The following HS6ST3 variants were observed in gnomAD, a reference collection of about 807,000 sequenced individuals.
HS6ST3 encodes the protein heparan-sulfate 6-O-sulfotransferase 3.
HS6ST3 carries 12 observed loss-of-function variants against 36.7 expected under a neutral mutation model. The observed-to-expected ratio is 0.33, with a 90% confidence interval of 0.21 to 0.53. The LOEUF is 0.53. Ranked by LOEUF, HS6ST3 falls within the 20% of genes least tolerant of loss-of-function variation. The pLI, the probability that HS6ST3 is intolerant of heterozygous loss-of-function variation, is 0.95. For missense variants in HS6ST3, 584 were observed against 640.9 expected (o/e 0.91, Z 0.96); for synonymous variants, 240 against 257.5 (o/e 0.93, Z 0.65).
rs2056100155 is a variant in HS6ST3 at position 96,523,114 on chromosome 13, C to T, written c.708-309376C>T. On this transcript the variant is annotated intron_variant, in intron 1 of 1. Coordinates refer to ENST00000376705, the MANE Select transcript of HS6ST3 (RefSeq NM_153456.4). ...TGTAAAGGATATTATTTCTCCTTCA[C>T]TTATGAAGCTTAGTTTGGCTGGATA... Among the ~76,000 whole-genome samples, 2 of 152,162 alleles carry T rather than the reference C, an allele frequency of 1.3e-5. 1 individual carries two copies. Among genetic ancestry groups the T allele is most frequent in the South Asian group, 4.1e-4 (2 of 4,830 alleles).
intron 1 of HS6ST3, among the ~76,000 whole-genome samples, chr13:96,114,436 C>T (rs2053884422): frequency 6.6e-6 from 1 of 152,178 alleles, no homozygotes; most frequent in Admixed American, 6.5e-5. Flanking sequence ...AGGGATGACC[C>T]ACCGTTCCTG....
intron 1 of HS6ST3, among the ~76,000 whole-genome samples, chr13:96,195,912 T>G (rs2054310567): frequency 2.6e-5 from 4 of 152,190 alleles, no homozygotes. Flanking sequence ...ACCTGGCATG[T>G]AGTAAAATAT....
intron 1 of HS6ST3, among the ~76,000 whole-genome samples, chr13:96,095,083 C>T (rs1314772201): frequency 6.6e-6 from 1 of 152,102 alleles, no homozygotes; most frequent in African/African-American, 2.4e-5. Flanking sequence ...GGGAATGTAA[C>T]CATAAAAAGG....
In HS6ST3 at chr13:96,726,412, T is replaced by A. The variant is rs111947880; in HGVS notation, c.708-106078T>A. On this transcript the variant is annotated intron_variant, in intron 1 of 1. Coordinates refer to ENST00000376705, the MANE Select transcript of HS6ST3 (RefSeq NM_153456.4). ...CTCATGAGTGTTTTGTTATTTTCAG[T>A]GTACAGGACTTATATGTCTTTCATA... Among the ~76,000 whole-genome samples, 1,489 of 152,298 alleles carry A rather than the reference T, an allele frequency of 9.8e-3. 22 individuals carry two copies. The highest frequency in any genetic ancestry group is 0.032 in the African/African-American group (1,345 of 41,568).
chr13:96,387,871 C>T (rs944785989), intron 1 of HS6ST3, among the ~76,000 whole-genome samples: 25 of 152,152 alleles, frequency 1.6e-4, no homozygotes, highest in Admixed American at 5.9e-4. Context: ...CTACTTTGTG[C>T]TTCAGGGGCC....
intron 1 of HS6ST3, among the ~76,000 whole-genome samples, chr13:96,248,921 A>G (rs948213029): frequency 6.6e-6 from 1 of 152,306 alleles, no homozygotes; most frequent in African/African-American, 2.4e-5. Flanking sequence ...CACATCTGCC[A>G]TCTAGTGTAA....
At chr13:96,561,289 C>G (rs1013917210) in intron 1 of HS6ST3, among the ~76,000 whole-genome samples, 2 of 152,088 alleles carry the variant, frequency 1.3e-5, no homozygotes, top group Non-Finnish European at 2.9e-5. Context: ...GGGGAAAGGA[C>G]TTTCTATTGA....
chr13:96,120,377 T>A (rs1352705815), intron 1 of HS6ST3, among the ~76,000 whole-genome samples: 1 of 152,242 alleles, frequency 6.6e-6, no homozygotes, highest in Non-Finnish European at 1.5e-5. Flanking sequence ...TTTGCAGTAA[T>A]TTAAAGCATG....
At chr13:96,264,751 T>A (rs2054683383) in intron 1 of HS6ST3, among the ~76,000 whole-genome samples, 1 of 152,222 alleles carries the variant, frequency 6.6e-6, no homozygotes, top group Non-Finnish European at 1.5e-5. Context: ...AGCAATCCAG[T>A]GTCACCATGG....
At chr13:96,217,951 G>C (rs1051428893) in intron 1 of HS6ST3, among the ~76,000 whole-genome samples, 3 of 152,134 alleles carry the variant, frequency 2.0e-5, no homozygotes, top group African/African-American at 7.2e-5. Flanking sequence ...CTAGCACATA[G>C]AATAATGTCT....
chr13:96,829,788 A>G (rs1878734618), intron 1 of HS6ST3, among the ~76,000 whole-genome samples: 1 of 152,132 alleles, frequency 6.6e-6, no homozygotes, highest in Admixed American at 6.5e-5. Context: ...GCTATCACGA[A>G]TAGTGTTGCA....
At chr13:96,179,730 A>G (rs1284269661) in intron 1 of HS6ST3, among the ~76,000 whole-genome samples, 3 of 152,206 alleles carry the variant, frequency 2.0e-5, no homozygotes, top group Admixed American at 2.0e-4. Context: ...TTATGAGTCT[A>G]TCTCTTCCAT....
intron 1 of HS6ST3, among the ~76,000 whole-genome samples, chr13:96,501,607 C>A (rs1307049113): frequency 6.6e-6 from 1 of 152,202 alleles, no homozygotes; most frequent in South Asian, 2.1e-4. Context: ...GCTCCAGGAA[C>A]AAATATTTGA....
chr13:96,223,665 A>C (rs934626607), intron 1 of HS6ST3, among the ~76,000 whole-genome samples: 37 of 151,442 alleles, frequency 2.4e-4, no homozygotes, highest in Admixed American at 7.9e-4. Flanking sequence ...GGGGGGGGGA[A>C]GTTTTTGTCG....
intron 1 of HS6ST3, among the ~76,000 whole-genome samples, chr13:96,795,132 C>T (rs907676262): frequency 6.6e-6 from 1 of 151,918 alleles, no homozygotes; most frequent in Non-Finnish European, 1.5e-5. Context: ...CCAGCACAGC[C>T]GTTTTAATAT....
rs1359172195 is a variant in HS6ST3 at position 96,401,535 on chromosome 13, A to C, written c.707+309966A>C. Among the ~76,000 whole-genome samples the C allele has an allele frequency of 8.5e-5, 13 of 152,208 alleles. No individual in the cohort carries two copies. In the East Asian group the frequency reaches 2.5e-3, roughly 29 times the overall value. On this transcript the variant is annotated intron_variant, in intron 1 of 1. Transcript: ENST00000376705. The stretch of plus-strand genomic sequence containing the variant: ...TATAGTTTTATTTGTTACAATTGTC[A>C]CAAGTATAATATTCATGAATCAAAA...
At chr13:96,340,574 G>A (rs896830026) in intron 1 of HS6ST3, among the ~76,000 whole-genome samples, 4 of 152,186 alleles carry the variant, frequency 2.6e-5, no homozygotes, top group Non-Finnish European at 5.9e-5. Context: ...TATAGACACA[G>A]GTGCAGTGCC....
At chr13:96,333,054 A>G (rs907286534) in intron 1 of HS6ST3, among the ~76,000 whole-genome samples, 2 of 152,200 alleles carry the variant, frequency 1.3e-5, no homozygotes, top group Non-Finnish European at 2.9e-5. Context: ...TCAGCCTCTA[A>G]AACTGTGAGA....
At chr13:96,545,471 C>T (rs1182947625) in intron 1 of HS6ST3, among the ~76,000 whole-genome samples, 5 of 152,114 alleles carry the variant, frequency 3.3e-5, no homozygotes, top group Non-Finnish European at 2.9e-5. Flanking sequence ...TATACTGAAG[C>T]CCACCTTGAT....
Sources: allele counts gnomAD v4.1 joint callset (sites outside exome capture counted in the v4.1 genomes callset), GRCh38; gene constraint gnomAD v4.1.1; transcripts MANE v1.5; gene names NCBI Gene and HGNC (gene_info 2026-07-23, HGNC 2026-07-21).